Variants in TCF4 observed in about 807,000 individuals in gnomAD.
TCF4 encodes SL3-3 enhancer factor 2.
TCF4 carries 3 observed loss-of-function variants against 82.1 expected under a neutral mutation model. The observed-to-expected ratio is 0.04, with a 90% confidence interval of 0.02 to 0.09. The LOEUF is 0.09. Ranked by LOEUF, TCF4 falls within the 10% of genes least tolerant of loss-of-function variation. The pLI is 1.00. For missense variants in TCF4, 518 were observed against 852.7 expected (o/e 0.61, Z 4.89); for synonymous variants, 276 against 309.6 (o/e 0.89, Z 1.14).
At chr18:55,620,340 G>C (rs1050061353) in intron 2 of TCF4, among the ~76,000 whole-genome samples, 1 of 152,120 alleles carries the variant, frequency 6.6e-6, no homozygotes, top group Non-Finnish European at 1.5e-5. Context: ...TAATATTTCC[G>C]ACTAACAATG....
At chr18:55,625,121 A>C (rs1272116654) in intron 2 of TCF4, among the ~76,000 whole-genome samples, 2 of 152,166 alleles carry the variant, frequency 1.3e-5, no homozygotes, top group African/African-American at 4.8e-5. Flanking sequence ...AAGTTGAGGA[A>C]TTTTCATAAT....
intron 8 of TCF4, among the ~76,000 whole-genome samples, chr18:55,345,131 G>A (rs1342077669): frequency 6.6e-6 from 1 of 152,094 alleles, no homozygotes; most frequent in Non-Finnish European, 1.5e-5. Context: ...TGTTGAGTAT[G>A]TGCAAGCCTC....
intron 15 of TCF4, among the ~76,000 whole-genome samples, chr18:55,245,666 A>G (rs1470394480): frequency 1.3e-5 from 2 of 152,170 alleles, no homozygotes; most frequent in Non-Finnish European, 2.9e-5. Flanking sequence ...GTTTTAAATC[A>G]TGTTTATTAT....
intron 16 of TCF4, 114 bp from the exon 17 acceptor site, chr18:55,232,785 C>T: frequency 7.4e-7 from 1 of 1,358,160 alleles, no homozygotes; most frequent in Non-Finnish European, 1.0e-6. Context: ...CCTTCTGTCA[C>T]TTTTTTTTCC....
At chr18:55,486,178 T>C (rs1456846706) in intron 3 of TCF4, among the ~76,000 whole-genome samples, 1 of 152,160 alleles carries the variant, frequency 6.6e-6, no homozygotes, top group Non-Finnish European at 1.5e-5. Flanking sequence ...AAATAACTAA[T>C]ACAGGGAAAA....
At chr18:55,285,093 A>G (rs2063405332) in intron 8 of TCF4, among the ~76,000 whole-genome samples, 1 of 152,160 alleles carries the variant, frequency 6.6e-6, no homozygotes, top group Non-Finnish European at 1.5e-5. Flanking sequence ...GATAAGATGG[A>G]CCCTGTAACT....
intron 6 of TCF4, among the ~76,000 whole-genome samples, chr18:55,363,771 A>G (rs1361648397): frequency 6.6e-6 from 1 of 152,096 alleles, no homozygotes; most frequent in Non-Finnish European, 1.5e-5. Flanking sequence ...TTGCCACTGC[A>G]CTCCAGCCTG....
chr18:55,445,956 C>A (rs981586136), intron 5 of TCF4, among the ~76,000 whole-genome samples: 1 of 152,172 alleles, frequency 6.6e-6, no homozygotes, highest in African/African-American at 2.4e-5. Flanking sequence ...AACCATGGCT[C>A]TAAGAGTTCA....
intron 8 of TCF4, among the ~76,000 whole-genome samples, chr18:55,337,163 C>G (rs570488852): frequency 6.6e-6 from 1 of 151,932 alleles, no homozygotes; most frequent in Admixed American, 6.6e-5. Context: ...AATGTGGGAA[C>G]AGAAAGGTTA....
intron 5 of TCF4, chr18:55,403,990 TGA>T: frequency 8.0e-7 from 1 of 1,252,030 alleles, no homozygotes; most frequent in Non-Finnish European, 1.0e-6. Context: ...TTCAAAATTC[TGA>T]GTCTCTCTCT....
intron 3 of TCF4, among the ~76,000 whole-genome samples, chr18:55,497,827 C>A (rs916112373): frequency 2.0e-5 from 3 of 151,978 alleles, no homozygotes; most frequent in African/African-American, 7.3e-5. Flanking sequence ...TTTAAAGTAT[C>A]CATTAACTAA....
intron 5 of TCF4, among the ~76,000 whole-genome samples, chr18:55,412,942 T>C (rs1013554059): frequency 1.3e-5 from 2 of 152,200 alleles, no homozygotes; most frequent in Non-Finnish European, 2.9e-5. Flanking sequence ...AAAGGTTTGT[T>C]TGTTATAGAG....
At chr18:55,396,686 T>G (rs540548979) in intron 6 of TCF4, among the ~76,000 whole-genome samples, 112 of 152,302 alleles carry the variant, frequency 7.4e-4, no homozygotes, top group African/African-American at 2.6e-3. Flanking sequence ...GAAACATGCC[T>G]ACAATTACCT....
At chr18:55,568,895 C>T (rs2097433494) in intron 3 of TCF4, among the ~76,000 whole-genome samples, 1 of 152,078 alleles carries the variant, frequency 6.6e-6, no homozygotes, top group Non-Finnish European at 1.5e-5. Flanking sequence ...AATGAAGCTA[C>T]ATCATTAATT....
rs80214307 is a variant in TCF4 at position 55,312,630 on chromosome 18, T to A, written c.550-32974A>T. On this transcript the variant is annotated intron_variant, in intron 8 of 19. Transcript: ENST00000354452. Reference sequence around the variant, plus strand: ...TAAGGAAACTGAATCCTAAATGATTTTATCAGCAAAAGTGACACTGTAAAG... The same window carrying A: ...TAAGGAAACTGAATCCTAAATGATTATATCAGCAAAAGTGACACTGTAAAG... Among the ~76,000 whole-genome samples the A allele has an allele frequency of 1.2e-3, 190 of 152,284 alleles. 1 individual carries two copies. The highest frequency in any genetic ancestry group is 4.2e-3 in the African/African-American group (173 of 41,568).
At chr18:55,489,877 C>T (rs1053500832) in intron 3 of TCF4, among the ~76,000 whole-genome samples, 8 of 152,194 alleles carry the variant, frequency 5.3e-5, no homozygotes, top group East Asian at 1.9e-4. Flanking sequence ...ATCCCAATCC[C>T]GGCTCGGTGA....
At chr18:55,332,869 T>G (rs1279243240) in intron 8 of TCF4, among the ~76,000 whole-genome samples, 1 of 152,256 alleles carries the variant, frequency 6.6e-6, no homozygotes, top group Non-Finnish European at 1.5e-5. Context: ...ACTTCTGTGA[T>G]GTATACACTT....
At chr18:55,609,153 G>A (rs2097704849) in intron 2 of TCF4, among the ~76,000 whole-genome samples, 1 of 152,160 alleles carries the variant, frequency 6.6e-6, no homozygotes, top group Admixed American at 6.5e-5. Flanking sequence ...CCAGCCCACA[G>A]AACTGTGAGA....
intron 3 of TCF4, among the ~76,000 whole-genome samples, chr18:55,485,975 T>C (rs1371612546): frequency 6.6e-6 from 1 of 152,236 alleles, no homozygotes; most frequent in Non-Finnish European, 1.5e-5. Flanking sequence ...AGTTTTACGG[T>C]ATTTTGGACT....
Sources: gnomAD v4.1 joint callset for allele counts (sites outside exome capture counted in the v4.1 genomes callset) on GRCh38, gnomAD v4.1.1 for gene constraint, MANE v1.5 for transcripts, NCBI Gene and HGNC (gene_info 2026-07-23, HGNC 2026-07-21) for gene names.